Variants in PALM2AKAP2 observed in about 807,000 individuals in gnomAD.
The protein encoded by PALM2AKAP2 is PALM2 and AKAP2 fusion, also known as PALM2-AKAP2 fusion protein.
A neutral mutation model predicts 71.5 loss-of-function variants in PALM2AKAP2; 37 were observed. That is an observed-to-expected ratio of 0.52 (90% CI 0.40 to 0.68). PALM2AKAP2 has a LOEUF of 0.68. Ranked by LOEUF, PALM2AKAP2 falls within the 30% of genes least tolerant of loss-of-function variation. The pLI is 0.00. For missense variants in PALM2AKAP2, 1,224 were observed against 1,191.8 expected, an observed-to-expected ratio of 1.03 and a Z score of -0.40; for synonymous variants, 468 against 478.8, an observed-to-expected ratio of 0.98 and a Z score of 0.29.
intron 3 of PALM2AKAP2, among the ~76,000 whole-genome samples, chr9:110,165,618 A>G (rs979406585): frequency 6.6e-6 from 1 of 152,222 alleles, no homozygotes; most frequent in Non-Finnish European, 1.5e-5. Context: ...TGAATTAAGA[A>G]AAGAGAGCTC....
Position 109,691,863 on chromosome 9 carries a change from TATATACAC to T in PALM2AKAP2, c.5+50999_5+51006del, listed in dbSNP as rs1456233744. On this transcript the variant is annotated intron_variant, in intron 1 of 6. Transcript: ENST00000374531. The stretch of plus-strand genomic sequence containing the variant: ...ATATATATATATATATATATATATA[TATATACAC>T]ACACACACACATATATATATATATA... 3.0e-3 allele frequency among the ~76,000 whole-genome samples: 132 copies of T among 43,728 alleles called. 5 individuals carry two copies. The highest frequency in any genetic ancestry group is 0.022 in the East Asian group (16 of 716). The allele number at this position is 43,728 out of a possible 152,430, so 28.7% of individuals were successfully genotyped here. A position where few individuals can be genotyped will look rare whatever the true frequency, so the allele number is the denominator to read the frequency against.
intron 2 of PALM2AKAP2, among the ~76,000 whole-genome samples, chr9:109,870,175 C>T (rs1829568345): frequency 6.6e-6 from 1 of 152,068 alleles, no homozygotes; most frequent in African/African-American, 2.4e-5. Flanking sequence ...CAGGACCTTG[C>T]CTCTCTTTGT....
intron 1 of PALM2AKAP2, among the ~76,000 whole-genome samples, chr9:109,739,588 G>T (rs539616829): frequency 3.3e-5 from 5 of 152,232 alleles, no homozygotes; most frequent in South Asian, 4.2e-4. Context: ...ATTATTTCTG[G>T]TCACACCACT....
chr9:109,686,716 G>T (rs1381385879), intron 1 of PALM2AKAP2, among the ~76,000 whole-genome samples: 1 of 151,698 alleles, frequency 6.6e-6, no homozygotes, highest in Non-Finnish European at 1.5e-5. Flanking sequence ...TAGGGTACAT[G>T]TACACAACAT....
At chr9:110,042,677 A>G (rs1237594018) in intron 7 of PALM2AKAP2, among the ~76,000 whole-genome samples, 1 of 152,184 alleles carries the variant, frequency 6.6e-6, no homozygotes, top group African/African-American at 2.4e-5. Context: ...AGGTTGTCTG[A>G]TGCTCACCCC....
At chr9:109,873,090 G>A (rs571575175) in intron 2 of PALM2AKAP2, among the ~76,000 whole-genome samples, 1 of 152,254 alleles carries the variant, frequency 6.6e-6, no homozygotes, top group South Asian at 2.1e-4. Flanking sequence ...AAGAGAAAGA[G>A]GGACAGGACA....
chr9:110,066,995 C>T (rs1267341344), intron 1 of PALM2AKAP2, among the ~76,000 whole-genome samples: 1 of 152,058 alleles, frequency 6.6e-6, no homozygotes, highest in Non-Finnish European at 1.5e-5. Context: ...GAGAGCTCTT[C>T]ATTTGGTTTT....
At chr9:109,835,588 T>C (rs1828449335) in intron 1 of PALM2AKAP2, among the ~76,000 whole-genome samples, 1 of 152,132 alleles carries the variant, frequency 6.6e-6, no homozygotes, top group South Asian at 2.1e-4. Context: ...AGGCATCGCC[T>C]CACCCAGGAA....
At chr9:109,849,862 C>T (rs552179198) in intron 1 of PALM2AKAP2, among the ~76,000 whole-genome samples, 8 of 152,208 alleles carry the variant, frequency 5.3e-5, no homozygotes, top group East Asian at 1.9e-4. Context: ...CTCATTCTTG[C>T]GCTATTTTTT....
At position 109,784,876 on chromosome 9, in the gene PALM2AKAP2, G is replaced by C. The variant is rs547080689; in HGVS notation, c.45+4343G>C. On this transcript the variant is annotated intron_variant, in intron 1 of 9. Transcript: ENST00000302798. Reference sequence around the variant, plus strand: ...AGACTGATTCCATTGCAATGGGAAAGCTTGAGACAAGCCAGGAGGCCTACC... The same window carrying C: ...AGACTGATTCCATTGCAATGGGAAACCTTGAGACAAGCCAGGAGGCCTACC... 3.3e-5 allele frequency among the ~76,000 whole-genome samples: 5 copies of C among 152,196 alleles called. 1 individual carries two copies. Among genetic ancestry groups the C allele is most frequent in the African/African-American group, 1.2e-4 (5 of 41,590 alleles).
chr9:109,842,956 C>T lies in PALM2AKAP2; in HGVS notation c.46-24535C>T, dbSNP rs1179693802. Among the ~76,000 whole-genome samples the T allele has an allele frequency of 5.3e-5, 8 of 152,014 alleles. No individual in the cohort carries two copies. In the East Asian group the frequency reaches 5.8e-4, roughly 11 times the overall value. ...GGGAGTTCGAGACCAGACCGACCAA[C>T]GTGGAGAAACCCCATCTCTACTAAA... On this transcript the variant is annotated intron_variant, in intron 1 of 9. Transcript: ENST00000302798.
At chr9:110,041,873 G>A (rs1833516630) in intron 7 of PALM2AKAP2, among the ~76,000 whole-genome samples, 1 of 152,196 alleles carries the variant, frequency 6.6e-6, no homozygotes, top group Non-Finnish European at 1.5e-5. Context: ...CTGTGCTCTG[G>A]ATCACCTAGA....
At chr9:109,658,546 T>C (rs1242666922) in intron 1 of PALM2AKAP2, among the ~76,000 whole-genome samples, 3 of 152,212 alleles carry the variant, frequency 2.0e-5, no homozygotes, top group Admixed American at 6.5e-5. Context: ...AAGAAAGTTA[T>C]TTTATTAGTT....
intron 6 of PALM2AKAP2, among the ~76,000 whole-genome samples, chr9:110,008,810 A>G (rs1378255917): frequency 6.6e-6 from 1 of 151,976 alleles, no homozygotes; most frequent in Non-Finnish European, 1.5e-5. Context: ...GCTGTGGTAG[A>G]GGGGCAGGGT....
At chr9:109,711,849 G>T (rs1419692674) in intron 1 of PALM2AKAP2, among the ~76,000 whole-genome samples, 1 of 152,216 alleles carries the variant, frequency 6.6e-6, no homozygotes, top group Non-Finnish European at 1.5e-5. Context: ...CAGCGACTGG[G>T]ATCTTCCATT....
At chr9:109,736,742 C>T (rs928752826) in intron 1 of PALM2AKAP2, among the ~76,000 whole-genome samples, 4 of 152,148 alleles carry the variant, frequency 2.6e-5, no homozygotes, top group Middle Eastern at 3.4e-3. Flanking sequence ...GATTGTCAAC[C>T]CTCACCCCAA....
At chr9:110,136,218 T>C (rs1172284794) in exon 2 of PALM2AKAP2, 2 of 1,614,170 alleles carry the variant, frequency 1.2e-6, no homozygotes, top group Admixed American at 3.3e-5. Flanking sequence ...GCCAGCTCTC[T>C]TTCCCCAGAT....
chr9:109,835,049 G>A (rs2131554365), intron 1 of PALM2AKAP2, among the ~76,000 whole-genome samples: 2 of 152,138 alleles, frequency 1.3e-5, no homozygotes, highest in Middle Eastern at 6.8e-3. Context: ...CAGTGCCATT[G>A]AGTCTGAGGC....
At chr9:109,684,656 A>G (rs1388718340) in intron 1 of PALM2AKAP2, among the ~76,000 whole-genome samples, 1 of 152,258 alleles carries the variant, frequency 6.6e-6, no homozygotes, top group Non-Finnish European at 1.5e-5. Flanking sequence ...TAAATGAATT[A>G]CTTAAAAAAC....
Sources: allele counts gnomAD v4.1 joint callset (sites outside exome capture counted in the v4.1 genomes callset), GRCh38; gene constraint gnomAD v4.1.1; transcripts MANE v1.5; gene names NCBI Gene and HGNC (gene_info 2026-07-23, HGNC 2026-07-21).